STAT1: variants seen among roughly 807,000 people sequenced by gnomAD.
The protein encoded by STAT1 is signal transducer and activator of transcription 1-alpha/beta.
In STAT1, 24 loss-of-function variants were observed where a neutral mutation model predicts 111.7. The observed-to-expected ratio is 0.21, with a 90% confidence interval of 0.16 to 0.30. The LOEUF (loss-of-function observed/expected upper bound fraction) is 0.30, where lower values mean the gene tolerates loss of function less well. Ranked by LOEUF, STAT1 falls within the 10% of genes least tolerant of loss-of-function variation. The pLI, the probability that STAT1 is intolerant of heterozygous loss-of-function variation, is 1.00. For missense variants in STAT1, 351 were observed against 911.9 expected, an observed-to-expected ratio of 0.38 and a Z score of 7.92; for synonymous variants, 332 against 326.5, an observed-to-expected ratio of 1.02 and a Z score of -0.18.
chr2:190,985,695 G>A (rs1411570561), intron 14 of STAT1, 35 bp from the exon 15 acceptor site: 1 of 1,595,712 alleles, frequency 6.3e-7, no homozygotes, highest in East Asian at 2.2e-5. Context: ...TAAACACCAT[G>A]GTAATGGTCA....
Position 191,003,583 on chromosome 2 carries a change from C to A in STAT1, c.373-2420G>T, listed in dbSNP as rs761067396. Among the ~76,000 whole-genome samples the A allele has an allele frequency of 4.1e-4, 63 of 152,210 alleles. No individual in the cohort carries two copies. Among genetic ancestry groups the A allele is most frequent in the Non-Finnish European group, 8.2e-4 (56 of 68,040 alleles). On this transcript the variant is annotated intron_variant, in intron 5 of 24. Coordinates refer to ENST00000361099, the MANE Select transcript of STAT1 (RefSeq NM_007315.4). This position sits in a 1 kb window ranked among gnomAD's most constrained non-coding sequence, Gnocchi z 4.0. ...AGTGTGGAGCACCTCTCCCCTGCTT[C>A]CTCCTGCTCTGGCCATGTGATATGT...
rs1398550103 is a variant in STAT1 at position 190,995,177 on chromosome 2, C to T, written c.828G>A (p.Gln276=). ...GTTCCAATTCCTCCAACTTTTTAAGCTGCTGCCGAACTTGCTGCAGACTCT... is the reference window on the plus strand; with the variant it reads ...GTTCCAATTCCTCCAACTTTTTAAGTTGCTGCCGAACTTGCTGCAGACTCT... The part of the protein sequence containing the change: ...VAESLQQVRQ[Q]LKKLEELEQK... Residue 276 remains glutamine, a synonymous_variant, in exon 10 of 25, where the codon CAG becomes CAA. Transcript: ENST00000361099. The surrounding 1 kb of genome is among the most constrained non-coding windows in gnomAD (Gnocchi z 4.2). 2 of 1,613,820 alleles carry T rather than the reference C, an allele frequency of 1.2e-6. No homozygotes were observed. The highest frequency in any genetic ancestry group is 1.7e-5 in the Admixed American group (1 of 59,970).
In STAT1 at chr2:191,012,740, C is replaced by CA. The variant is rs1405057385; in HGVS notation, c.-2+784dup. 6.6e-6 allele frequency among the ~76,000 whole-genome samples: 1 copy of CA among 152,242 alleles called. No individual in the cohort carries two copies. The highest frequency in any genetic ancestry group is 1.5e-5 in the Non-Finnish European group (1 of 68,052). On this transcript the variant is annotated intron_variant, in intron 2 of 24. Coordinates refer to ENST00000361099, the MANE Select transcript of STAT1 (RefSeq NM_007315.4). The surrounding 1 kb of genome is among the most constrained non-coding windows in gnomAD (Gnocchi z 4.0). ...TCATCCATCAACAAAGCAACCCAGT[C>CA]ACCAAATCATTTACTGTTTTTCAAC...
At position 190,974,707 on chromosome 2, in the gene STAT1, A is replaced by C; in HGVS notation, c.2238+123T>G. On this transcript the variant is annotated intron_variant, in intron 24 of 24. Transcript: ENST00000361099. The surrounding 1 kb of genome is among the most constrained non-coding windows in gnomAD (Gnocchi z 4.8). ...TTGTCATGGCTCATCTGAGCACTGC[A>C]CTCTCCTTGGCTCCGCCAGGGCTCC... The C allele has an allele frequency of 1.2e-6, 1 of 825,406 alleles. No homozygotes were observed. The highest frequency in any genetic ancestry group is 2.1e-6 in the Non-Finnish European group (1 of 482,570). 51.1% of individuals were successfully genotyped at this position (825,406 alleles called of 1,614,324 possible). A position where few individuals can be genotyped will look rare whatever the true frequency, so the allele number is the denominator to read the frequency against.
At chr2:190,994,491 G>A (rs916262670) in intron 10 of STAT1, among the ~76,000 whole-genome samples, 1 of 152,022 alleles carries the variant, frequency 6.6e-6, no homozygotes, top group African/African-American at 2.4e-5. Context: ...GAGGAGGTGA[G>A]GCATGTTAGG....
chr2:190,993,558 T>C lies in STAT1; in HGVS notation c.944+1503A>G, dbSNP rs992047955. 13 of 638,370 alleles carry C rather than the reference T, an allele frequency of 2.0e-5. No individual in the cohort carries two copies. Among genetic ancestry groups the C allele is most frequent in the Non-Finnish European group, 3.3e-5 (11 of 337,974 alleles). 39.5% of individuals were successfully genotyped at this position (638,370 alleles called of 1,614,324 possible). ...GAATAAATAATCAATTTGGGATTCA[T>C]GCTGGACATGTCACTGTAGCTGCCA... On this transcript the variant is annotated intron_variant, in intron 10 of 24. Transcript: ENST00000361099. This position sits in a 1 kb window ranked among gnomAD's most constrained non-coding sequence, Gnocchi z 4.1.
rs765671036 is a variant in STAT1 at position 190,987,327 on chromosome 2, C to G, written c.1098-259G>C. 1.2e-3 allele frequency among the ~76,000 whole-genome samples: 187 copies of G among 152,248 alleles called. 1 individual carries two copies. The highest frequency in any genetic ancestry group is 2.2e-3 in the Non-Finnish European group (153 of 68,012). On this transcript the variant is annotated intron_variant, in intron 12 of 24. Coordinates refer to ENST00000361099, the MANE Select transcript of STAT1 (RefSeq NM_007315.4). This position sits in a 1 kb window ranked among gnomAD's most constrained non-coding sequence, Gnocchi z 4.0. ...TCATTTGCACAACATACTAACAGTG[C>G]CAACATATAGGACATCATGAGGAAT...
chr2:190,991,076 C>T, intron 11 of STAT1, 152 bp downstream of exon 11: 1 of 689,352 alleles, frequency 1.5e-6, no homozygotes. Flanking sequence ...TAATAAAAGA[C>T]TCTCAGATAT....
chr2:190,983,285 A>C lies in STAT1; in HGVS notation c.1446+357T>G, dbSNP rs1692525535. Among the ~76,000 whole-genome samples, 1 of 152,210 alleles carries C rather than the reference A, an allele frequency of 6.6e-6. No homozygotes were observed. The highest frequency in any genetic ancestry group is 2.4e-5 in the African/African-American group (1 of 41,450). Reference sequence around the variant, plus strand: ...TAAGTGTTCCTGGTGACTTTAAAAAACATAAGTACTTTGAATAATTATAAA... The same window carrying C: ...TAAGTGTTCCTGGTGACTTTAAAAACCATAAGTACTTTGAATAATTATAAA... On this transcript the variant is annotated intron_variant, in intron 17 of 24. Transcript: ENST00000361099. The surrounding 1 kb of genome is among the most constrained non-coding windows in gnomAD (Gnocchi z 5.7).
rs865992465 is a variant in STAT1 at position 191,012,611 on chromosome 2, T to G, written c.-2+914A>C. Among the ~76,000 whole-genome samples the G allele has an allele frequency of 2.0e-5, 3 of 152,100 alleles. No homozygotes were observed. The Middle Eastern group carries it at 0.01, about 517-fold the overall frequency. ...CCTTCCTGTCTCCAACATTCTACCT[T>G]CCCAGTCCAGCCTCTGCTGCCCACA... On this transcript the variant is annotated intron_variant, in intron 2 of 24. Coordinates refer to ENST00000361099, the MANE Select transcript of STAT1 (RefSeq NM_007315.4). This position sits in a 1 kb window ranked among gnomAD's most constrained non-coding sequence, Gnocchi z 4.0.
In STAT1 at chr2:190,998,115, C is replaced by T; in HGVS notation, c.633+102G>A. The T allele has an allele frequency of 6.4e-7, 1 of 1,561,630 alleles. No individual in the cohort carries two copies. The highest frequency in any genetic ancestry group is 8.8e-7 in the Non-Finnish European group (1 of 1,137,972). ...TATCATTTCATTCTCAACTGGGGCT[C>T]TAAGCCAGGTGGCTATAATTTTTCC... On this transcript the variant is annotated intron_variant, in intron 8 of 24. Transcript: ENST00000361099. The surrounding 1 kb of genome is among the most constrained non-coding windows in gnomAD (Gnocchi z 4.1).
Position 190,983,709 on chromosome 2 carries a change from T to C in STAT1, c.1379A>G (p.Asn460Ser). The change falls in exon 17 of 25, where the codon AAC (asparagine) becomes AGC (serine). Residue 460 changes from asparagine to serine, a missense_variant. Asn to Ser is a conservative substitution (Grantham distance 46, BLOSUM62 1). Coordinates refer to ENST00000361099, the MANE Select transcript of STAT1 (RefSeq NM_007315.4). The surrounding 1 kb of genome is among the most constrained non-coding windows in gnomAD (Gnocchi z 5.7). ...TTSLPVVVIS[N>S]VSQLPSGWAS... is the part of the protein sequence containing the mutation. ...CCAACCGCTCGGGAGCTGGCTGACG[T>C]TGGAGATCACCACAACGGGCAGAGA... 6.2e-7 allele frequency: 1 copy of C among 1,614,166 alleles called. No individual in the cohort carries two copies.
Position 190,978,510 on chromosome 2 carries a change from G to A in STAT1, c.1873+346C>T, listed in dbSNP as rs1692085700. 2.7e-6 allele frequency: 1 copy of A among 369,158 alleles called. No individual in the cohort carries two copies. The allele number at this position is 369,158 out of a possible 1,614,324, so 22.9% of individuals were successfully genotyped here. On this transcript the variant is annotated intron_variant, in intron 21 of 24. Coordinates refer to ENST00000361099, the MANE Select transcript of STAT1 (RefSeq NM_007315.4). This position sits in a 1 kb window ranked among gnomAD's most constrained non-coding sequence, Gnocchi z 6.1. ...ACACTCTACTCTGGGATGACCCTAA[G>A]AGAATGTGGATGCTTACTCCTGTGG...
rs935152665 is a variant in STAT1, at chr2:190,978,718, C to A, written c.1873+138G>T. The A allele has an allele frequency of 9.4e-6, 10 of 1,067,394 alleles. No individual in the cohort carries two copies. The highest frequency in any genetic ancestry group is 1.2e-5 in the Non-Finnish European group (9 of 720,436). 66.1% of individuals were successfully genotyped at this position (1,067,394 alleles called of 1,614,324 possible). ...TTTGTGGTGGTTTATTAAATCCTAT[C>A]GGGGGCTCATTTGGGGTAAGTATAA... On this transcript the variant is annotated intron_variant, in intron 21 of 24. Transcript: ENST00000361099. The surrounding 1 kb of genome is among the most constrained non-coding windows in gnomAD (Gnocchi z 6.1).
rs2125007233 is a variant in STAT1 at position 190,978,880 on chromosome 2, C to T, written c.1849G>A (p.Val617Met). The T allele has an allele frequency of 1.9e-6, 3 of 1,614,162 alleles. No homozygotes were observed. The South Asian group carries it at 3.3e-5, about 18-fold the overall frequency. Residue 617 changes from valine to methionine, a missense_variant, in exon 21 of 25, where the codon GTG becomes ATG. Physicochemically the swap from Val to Met is conservative, Grantham distance 21. Around this residue, in one of 7 missense-constraint regions of STAT1, gnomAD observed 181 missense variants for 426.1 expected, o/e 0.42. Transcript: ENST00000361099. The surrounding 1 kb of genome is among the most constrained non-coding windows in gnomAD (Gnocchi z 6.1). ...SREGAITFTW[V>M]ERSQNGGEPD... ...CCGCCTCCGTTCTGGGACCGCTCCACCCATGTGAATGTGATGGCCCCTTCC... is the reference window on the plus strand; with the variant it reads ...CCGCCTCCGTTCTGGGACCGCTCCATCCATGTGAATGTGATGGCCCCTTCC...
In STAT1 at chr2:190,976,495, C is replaced by T. The variant is rs1691914391; in HGVS notation, c.2059+345G>A. On this transcript the variant is annotated intron_variant, in intron 22 of 24. Transcript: ENST00000361099. The surrounding 1 kb of genome is among the most constrained non-coding windows in gnomAD (Gnocchi z 6.0). ...AATGAACCACTTCACTTCTCCCAGG[C>T]CTCAGTTTCCTCAACTTTAACGTGA... Among the ~76,000 whole-genome samples, 1 of 152,140 alleles carries T rather than the reference C, an allele frequency of 6.6e-6. No individual in the cohort carries two copies. Among genetic ancestry groups the T allele is most frequent in the Non-Finnish European group, 1.5e-5 (1 of 68,022 alleles).
chr2:190,974,808 A>G lies in STAT1; in HGVS notation c.2238+22T>C. 6.2e-7 allele frequency: 1 copy of G among 1,600,704 alleles called. No individual in the cohort carries two copies. Among genetic ancestry groups the G allele is most frequent in the Non-Finnish European group, 8.6e-7 (1 of 1,167,908 alleles). ...CACACACACTTATTGAGAGCTACAC[A>G]CAGGCCAGCCGTGGTACTCACCATA... On this transcript the variant is annotated intron_variant, in intron 24 of 24. Coordinates refer to ENST00000361099, the MANE Select transcript of STAT1 (RefSeq NM_007315.4). The surrounding 1 kb of genome is among the most constrained non-coding windows in gnomAD (Gnocchi z 4.8).
chr2:190,993,061 A>G lies in STAT1; in HGVS notation c.945-1741T>C, dbSNP rs559288556. 25 of 343,602 alleles carry G rather than the reference A, an allele frequency of 7.3e-5. No homozygotes were observed. Among genetic ancestry groups the G allele is most frequent in the Non-Finnish European group, 1.3e-4 (23 of 180,240 alleles). 21.3% of individuals were successfully genotyped at this position (343,602 alleles called of 1,614,324 possible). A position where few individuals can be genotyped will look rare whatever the true frequency, so the allele number is the denominator to read the frequency against. On this transcript the variant is annotated intron_variant, in intron 10 of 24. Transcript: ENST00000361099. This position sits in a 1 kb window ranked among gnomAD's most constrained non-coding sequence, Gnocchi z 4.1. ...CACCTCGGCCTCCCAAAGTGCTGGGATTACAGGCATGAGCCACCGTGCCGG... is the reference window on the plus strand; with the variant it reads ...CACCTCGGCCTCCCAAAGTGCTGGGGTTACAGGCATGAGCCACCGTGCCGG...
intron 1 of STAT1, 134 bp downstream of exon 1, chr2:191,013,884 G>C: frequency 2.6e-6 from 1 of 383,612 alleles, no homozygotes; most frequent in Non-Finnish European, 4.6e-6. Flanking sequence ...TACTCAGGAC[G>C]CGTTCTTCCT....
Sources: allele counts gnomAD v4.1 joint callset (sites outside exome capture counted in the v4.1 genomes callset), GRCh38; gene constraint gnomAD v4.1.1; regional missense constraint gnomAD v4.1.1; non-coding constraint Gnocchi (gnomAD v3.1); transcripts MANE v1.5; gene names NCBI Gene and HGNC (gene_info 2026-07-23, HGNC 2026-07-21).